The following GALNT13 variants were observed in gnomAD, a reference collection of about 807,000 sequenced individuals.
GALNT13 encodes the protein polypeptide N-acetylgalactosaminyltransferase 13.
A neutral mutation model predicts 64.2 loss-of-function variants in GALNT13; 28 were observed. The ratio of observed to expected loss-of-function variants is 0.44; its 90% CI spans 0.32 to 0.60. The LOEUF (loss-of-function observed/expected upper bound fraction) is 0.60. GALNT13 is among the 20% of genes least tolerant of loss of function. The pLI, the probability that GALNT13 is intolerant of heterozygous loss-of-function variation, is 0.05. For missense variants in GALNT13, 577 were observed against 669.8 expected, an observed-to-expected ratio of 0.86 and a Z score of 1.53; for synonymous variants, 214 against 224.6, an observed-to-expected ratio of 0.95 and a Z score of 0.42.
At chr2:153,155,938 G>A in the GALNT13 span, among the ~76,000 whole-genome samples, 1 of 152,116 alleles carries the variant, frequency 6.6e-6, no homozygotes, top group Non-Finnish European at 1.5e-5. Flanking sequence ...TTGTCTCTTT[G>A]TTCTCATTGC....
intron 1 of GALNT13, among the ~76,000 whole-genome samples, chr2:153,875,111 C>CATAT (rs66852005): frequency 0.076 from 11,415 of 150,098 alleles, 493 homozygotes; most frequent in Middle Eastern, 0.13. Flanking sequence ...CCTACTGCTT[C>CATAT]ATATATATAT....
chr2:154,396,180 GC>G (rs1699045063), intron 10 of GALNT13, 50 bp downstream of exon 10: 1 of 1,336,636 alleles, frequency 7.5e-7, no homozygotes, highest in Middle Eastern at 1.9e-4. Context: ...TGCAAATGGA[GC>G]AATTTCTAAG....
At chr2:153,089,090 T>G in the GALNT13 span, among the ~76,000 whole-genome samples, 1 of 152,146 alleles carries the variant, frequency 6.6e-6, no homozygotes, top group African/African-American at 2.4e-5. Context: ...ATCATTTAAT[T>G]AAGATCTATT....
At chr2:153,073,371 C>T in the GALNT13 span, among the ~76,000 whole-genome samples, 2 of 151,364 alleles carry the variant, frequency 1.3e-5, no homozygotes, top group Non-Finnish European at 2.9e-5. Context: ...TAACATGTTA[C>T]GCAAACCAGC....
At chr2:153,099,867 C>G in the GALNT13 span, among the ~76,000 whole-genome samples, 1 of 152,116 alleles carries the variant, frequency 6.6e-6, no homozygotes, top group Admixed American at 6.5e-5. Context: ...GTAGAATTGA[C>G]TGGGGCTAGG....
At chr2:153,156,847 T>C in the GALNT13 span, among the ~76,000 whole-genome samples, 23,668 of 152,148 alleles carry the variant, frequency 0.16, 2,793 homozygotes, top group East Asian at 0.6. Context: ...TTTTCTGGTA[T>C]TGATAGAAAG....
At chr2:154,239,930 C>T (rs986506729) in intron 4 of GALNT13, among the ~76,000 whole-genome samples, 3 of 151,916 alleles carry the variant, frequency 2.0e-5, no homozygotes, top group African/African-American at 7.3e-5. Flanking sequence ...TTTTTCACTC[C>T]CTTGTGAAGG....
chr2:153,776,993 G>A, the GALNT13 span, among the ~76,000 whole-genome samples: 1 of 152,068 alleles, frequency 6.6e-6, no homozygotes, highest in Non-Finnish European at 1.5e-5. Context: ...GGCTCGTTCT[G>A]GATGAACTAA....
intron 12 of GALNT13, among the ~76,000 whole-genome samples, chr2:154,439,664 C>T (rs1053066377): frequency 6.6e-6 from 1 of 152,114 alleles, no homozygotes; most frequent in African/African-American, 2.4e-5. Flanking sequence ...TTTAGCAAGA[C>T]CTTTTAAAAA....
At chr2:153,361,116 A>G in the GALNT13 span, among the ~76,000 whole-genome samples, 2 of 152,068 alleles carry the variant, frequency 1.3e-5, no homozygotes, top group Non-Finnish European at 2.9e-5. Flanking sequence ...CCCCCAGCAA[A>G]CCACAGCAGC....
At chr2:153,629,942 T>G in the GALNT13 span, among the ~76,000 whole-genome samples, 1 of 147,202 alleles carries the variant, frequency 6.8e-6, no homozygotes, top group East Asian at 2.0e-4. Flanking sequence ...TCAAAACCAC[T>G]ATGAGATATC....
chr2:154,454,746 A>C (rs1395876797), downstream of GALNT13: 5 of 152,194 alleles, frequency 3.3e-5, no homozygotes, highest in East Asian at 9.6e-4. Context: ...TAATACAAGC[A>C]CTAAGACCTA....
intron 3 of GALNT13, among the ~76,000 whole-genome samples, chr2:154,059,860 C>T (rs1164977054): frequency 6.6e-6 from 1 of 152,052 alleles, no homozygotes; most frequent in African/African-American, 2.4e-5. Flanking sequence ...GTAATATTTA[C>T]CAAGGTGTGG....
chr2:154,380,962 A>G (rs1373054402), intron 9 of GALNT13, among the ~76,000 whole-genome samples: 2 of 152,078 alleles, frequency 1.3e-5, no homozygotes, highest in Non-Finnish European at 2.9e-5. Flanking sequence ...AGCCTACAAC[A>G]TGGCAGTTTG....
At chr2:154,176,306 G>A (rs903267077) in intron 4 of GALNT13, among the ~76,000 whole-genome samples, 29 of 147,822 alleles carry the variant, frequency 2.0e-4, no homozygotes, top group African/African-American at 5.7e-4. Context: ...ATGGAGTCTC[G>A]CTGTGTCACC....
At chr2:154,256,269 A>C (rs1356476100) in intron 7 of GALNT13, among the ~76,000 whole-genome samples, 1 of 151,900 alleles carries the variant, frequency 6.6e-6, no homozygotes, top group East Asian at 1.9e-4. Context: ...AAAAAGCGAG[A>C]GAGATAATTG....
the GALNT13 span, among the ~76,000 whole-genome samples, chr2:153,274,525 A>T: frequency 6.6e-6 from 1 of 152,084 alleles, no homozygotes; most frequent in African/African-American, 2.4e-5. Flanking sequence ...GGCTGAAAAG[A>T]GTCCCAGGCT....
At chr2:153,598,695 T>C in the GALNT13 span, among the ~76,000 whole-genome samples, 3 of 152,174 alleles carry the variant, frequency 2.0e-5, no homozygotes, top group East Asian at 5.8e-4. Context: ...TATAAGTTTT[T>C]AAGAAAAAAG....
intron 3 of GALNT13, among the ~76,000 whole-genome samples, chr2:153,996,388 T>C (rs1039716588): frequency 6.6e-6 from 1 of 152,188 alleles, no homozygotes; most frequent in Non-Finnish European, 1.5e-5. Context: ...GATAAGGTGA[T>C]ATCTTATTAT....
Sources: gnomAD v4.1 joint callset for allele counts (sites outside exome capture counted in the v4.1 genomes callset) on GRCh38, gnomAD v4.1.1 for gene constraint, MANE v1.5 for transcripts, NCBI Gene and HGNC (gene_info 2026-07-23, HGNC 2026-07-21) for gene names.